The following AFAP1L1 variants were observed in gnomAD, a reference collection of about 807,000 sequenced individuals.
AFAP1L1 encodes the protein actin filament associated protein 1 like 1, also known as actin filament-associated protein 1-like 1.
In AFAP1L1, 77 loss-of-function variants were observed where a neutral mutation model predicts 99.8. That is an observed-to-expected ratio of 0.77 (90% CI 0.64 to 0.93). The LOEUF is 0.93. Among genes scored for constraint, AFAP1L1 ranks in the 40% least tolerant of loss-of-function variants. AFAP1L1 has a pLI of 0.00. For missense variants in AFAP1L1, 893 were observed against 996.8 expected (o/e 0.90, Z 1.40); for synonymous variants, 373 against 395.3 (o/e 0.94, Z 0.67).
intron 11 of AFAP1L1, among the ~76,000 whole-genome samples, chr5:149,317,158 C>A (rs1247290210): frequency 6.6e-6 from 1 of 152,112 alleles, no homozygotes; most frequent in Non-Finnish European, 1.5e-5. Context: ...GAGGGAGACC[C>A]AGTCTCAAAA....
At chr5:149,297,749 C>T (rs1756063255) in intron 1 of AFAP1L1, among the ~76,000 whole-genome samples, 1 of 152,196 alleles carries the variant, frequency 6.6e-6, no homozygotes, top group Admixed American at 6.5e-5. Context: ...AGCACCCACA[C>T]TGAGCAGGCC....
rs1007178410 is a variant in AFAP1L1 at position 149,320,836 on chromosome 5, C to A, written c.1698+373C>A. On this transcript the variant is annotated intron_variant, in intron 14 of 18. Transcript: ENST00000296721. The surrounding 1 kb of genome is among the most constrained non-coding windows in gnomAD (Gnocchi z 4.0). ...GGCAGGTCCTGACTCTGGGACCACCCCGCAAGCCTTCACCTGGTGACTTTG... is the reference window on the plus strand; with the variant it reads ...GGCAGGTCCTGACTCTGGGACCACCACGCAAGCCTTCACCTGGTGACTTTG... Among the ~76,000 whole-genome samples the A allele has an allele frequency of 6.6e-6, 1 of 152,348 alleles. No individual in the cohort carries two copies.
intron 1 of AFAP1L1, among the ~76,000 whole-genome samples, chr5:149,286,042 CAG>C (rs769193135): frequency 6.6e-6 from 1 of 152,156 alleles, no homozygotes; most frequent in Non-Finnish European, 1.5e-5. Flanking sequence ...GCGCATAGAA[CAG>C]GGGAATCTCA....
At chr5:149,316,048 G>T in intron 10 of AFAP1L1, 103 bp from the exon 11 acceptor site, 2 of 1,574,788 alleles carry the variant, frequency 1.3e-6, no homozygotes. Context: ...CATCCCTGGA[G>T]CTGCAGGCCC....
intron 1 of AFAP1L1, among the ~76,000 whole-genome samples, chr5:149,294,908 C>T (rs1471656415): frequency 6.6e-6 from 1 of 152,226 alleles, no homozygotes; most frequent in Non-Finnish European, 1.5e-5. Flanking sequence ...TCAGACAGGC[C>T]AGGGTTCAAA....
chr5:149,321,750 A>G (rs1192666585), intron 14 of AFAP1L1, among the ~76,000 whole-genome samples: 2 of 143,840 alleles, frequency 1.4e-5, no homozygotes, highest in Non-Finnish European at 3.0e-5. Flanking sequence ...AAAAAAAACA[A>G]CGTTTAGGCT....
rs747367730 is a variant in AFAP1L1, at chr5:149,322,593, C to T, written c.1699-13C>T. 1.0e-5 allele frequency: 16 copies of T among 1,555,768 alleles called. No homozygotes were observed. The highest frequency in any genetic ancestry group is 1.4e-5 in the Non-Finnish European group (16 of 1,148,030). ...CTGCCTGAACTTGACTGTCTTCCTC[C>T]ATCTCCCACCAGGACGAGGAGCCCG... On this transcript the variant is annotated splice_polypyrimidine_tract_variant and intron_variant, in intron 14 of 18. Transcript: ENST00000296721.
chr5:149,324,170 A>T (rs1406813785), intron 15 of AFAP1L1, among the ~76,000 whole-genome samples: 1 of 152,196 alleles, frequency 6.6e-6, no homozygotes, highest in Non-Finnish European at 1.5e-5. Flanking sequence ...AAAAGGGAAG[A>T]TATCTTAGTC....
chr5:149,313,492 A>G (rs1756702415), intron 9 of AFAP1L1, among the ~76,000 whole-genome samples: 2 of 152,240 alleles, frequency 1.3e-5, no homozygotes, highest in Non-Finnish European at 2.9e-5. Flanking sequence ...AAGGTCACAT[A>G]GTAAATAAGA....
chr5:149,343,539 A>G lies in AFAP1L1; in HGVS notation c.*3509A>G, dbSNP rs1757617136. Among the ~76,000 whole-genome samples, 1 of 152,212 alleles carries G rather than the reference A, an allele frequency of 6.6e-6. No homozygotes were observed. On this transcript the variant is annotated 3_prime_UTR_variant, in exon 19 of 19. Transcript: ENST00000296721. ...CCTACTATACTAGATGTCAGAAATC[A>G]GTGGTGAACAAGACAGACACCTCAT...
At chr5:149,272,019 C>T (rs1204905945) in intron 1 of AFAP1L1, 35 bp downstream of exon 1, 10 of 1,238,398 alleles carry the variant, frequency 8.1e-6, no homozygotes, top group African/African-American at 1.6e-5. Context: ...CTTGTTGCGG[C>T]GCCGGGCGGG....
In AFAP1L1 at chr5:149,300,300, A is replaced by G. The variant is rs781212886; in HGVS notation, c.175A>G (p.Thr59Ala). Reference sequence around the variant, plus strand: ...GGAGGTCTCCTACCTGTATGTGAACACAGCAGACCTCCACTCGGGGCCCAG... The same window carrying G: ...GGAGGTCTCCTACCTGTATGTGAACGCAGCAGACCTCCACTCGGGGCCCAG... ...AKEVSYLYVN[T>A]ADLHSGPSFV... Residue 59 changes from threonine to alanine, a missense_variant, in exon 3 of 19, where the codon ACA becomes GCA. Coordinates refer to ENST00000296721, the MANE Select transcript of AFAP1L1 (RefSeq NM_152406.4). 6.2e-7 allele frequency: 1 copy of G among 1,613,544 alleles called. No homozygotes were observed. Among genetic ancestry groups the G allele is most frequent in the South Asian group, 1.1e-5 (1 of 90,850 alleles).
Position 149,329,764 on chromosome 5 carries a change from C to T in AFAP1L1, c.1909C>T (p.Arg637Trp), listed in dbSNP as rs1220707446. 5.0e-6 allele frequency: 8 copies of T among 1,613,804 alleles called. No homozygotes were observed. The highest frequency in any genetic ancestry group is 5.9e-6 in the Non-Finnish European group (7 of 1,179,952). ...EKLEKEKETI[R>W]TELIALRQEK... is the part of the protein sequence containing the mutation. ...GCTGGAGAAAGAGAAAGAGACGATT[C>T]GGACAGAGCTGATAGCACTGAGACA... Residue 637 changes from arginine to tryptophan, a missense_variant, in exon 16 of 19, where the codon CGG (arginine) becomes TGG (tryptophan). Transcript: ENST00000296721.
intron 1 of AFAP1L1, among the ~76,000 whole-genome samples, chr5:149,286,916 C>T (rs894121126): frequency 1.3e-5 from 2 of 152,192 alleles, no homozygotes; most frequent in Non-Finnish European, 2.9e-5. Context: ...TTCTCCAGAG[C>T]ACCAAAACAC....
At chr5:149,324,272 A>T (rs1297904156) in intron 15 of AFAP1L1, among the ~76,000 whole-genome samples, 1 of 152,226 alleles carries the variant, frequency 6.6e-6, no homozygotes, top group African/African-American at 2.4e-5. Context: ...GGGAAGTCTG[A>T]GATCAAGGTG....
chr5:149,274,356 A>G (rs1292052085), intron 1 of AFAP1L1, among the ~76,000 whole-genome samples: 1 of 152,210 alleles, frequency 6.6e-6, no homozygotes, highest in African/African-American at 2.4e-5. Flanking sequence ...TTTAAAAATC[A>G]ACATTGCTGT....
Position 149,341,829 on chromosome 5 carries a change from C to A in AFAP1L1, c.*1799C>A, listed in dbSNP as rs1332865859. On this transcript the variant is annotated 3_prime_UTR_variant, in exon 19 of 19. Transcript: ENST00000296721. Reference sequence around the variant, plus strand: ...AATGTCTGACTCACAAGCCTGTGTTCTTTCCACTGAAGAGGAAATTACTTT... The same window carrying A: ...AATGTCTGACTCACAAGCCTGTGTTATTTCCACTGAAGAGGAAATTACTTT... 3 of 152,096 alleles carry A rather than the reference C, an allele frequency of 2.0e-5. No homozygotes were observed. Among genetic ancestry groups the A allele is most frequent in the Non-Finnish European group, 1.5e-5 (1 of 67,984 alleles). 9.4% of individuals were successfully genotyped at this position (152,096 alleles called of 1,614,324 possible).
chr5:149,274,696 T>C (rs1038400640), intron 1 of AFAP1L1, among the ~76,000 whole-genome samples: 4 of 152,118 alleles, frequency 2.6e-5, no homozygotes, highest in Admixed American at 2.0e-4. Context: ...CTGCCCAACA[T>C]GGTGAAACCA....
intron 16 of AFAP1L1, among the ~76,000 whole-genome samples, chr5:149,331,446 C>T (rs1757256376): frequency 6.6e-6 from 1 of 152,030 alleles, no homozygotes. Context: ...CGGTGAAACC[C>T]CGTCTCTATT....
Sources: allele counts gnomAD v4.1 joint callset (sites outside exome capture counted in the v4.1 genomes callset), GRCh38; gene constraint gnomAD v4.1.1; non-coding constraint Gnocchi (gnomAD v3.1); transcripts MANE v1.5; gene names NCBI Gene and HGNC (gene_info 2026-07-23, HGNC 2026-07-21).